PLEKHB2: variants seen among roughly 807,000 people sequenced by gnomAD.
PLEKHB2 encodes the protein pleckstrin homology domain containing B2.
PLEKHB2 carries 31 observed loss-of-function variants against 36.5 expected under a neutral mutation model. The observed-to-expected ratio is 0.85, with a 90% CI of 0.64 to 1.15. The LOEUF is 1.15. Among genes scored for constraint, PLEKHB2 ranks in the 50% most tolerant of loss-of-function variants. PLEKHB2 has a pLI of 0.00. For synonymous variants in PLEKHB2, 119 were observed against 112.0 expected, an observed-to-expected ratio of 1.06 and a Z score of -0.39; for missense variants, 262 against 295.3, an observed-to-expected ratio of 0.89 and a Z score of 0.83.
At chr2:131,112,870 C>G (rs2104786052) in intron 1 of PLEKHB2, among the ~76,000 whole-genome samples, 1 of 152,192 alleles carries the variant, frequency 6.6e-6, no homozygotes, top group South Asian at 2.1e-4. Flanking sequence ...CTAAATTTTG[C>G]CGGCTTTATG....
intron 7 of PLEKHB2, among the ~76,000 whole-genome samples, chr2:131,142,576 CTT>C (rs1041202610): frequency 2.3e-5 from 3 of 130,024 alleles, no homozygotes; most frequent in Admixed American, 7.7e-5. Context: ...CTTTTTTTTT[CTT>C]TTTTTTTTTT....
chr2:131,123,766 A>ACC (rs796669454), intron 2 of PLEKHB2, among the ~76,000 whole-genome samples: 5 of 11,554 alleles, frequency 4.3e-4, no homozygotes, highest in Admixed American at 2.6e-3. Flanking sequence ...CTCCTGGTCC[A>ACC]CCCCCCCCAC....
chr2:131,127,909 C>T (rs1697256619), intron 4 of PLEKHB2, among the ~76,000 whole-genome samples: 1 of 152,166 alleles, frequency 6.6e-6, no homozygotes, highest in Non-Finnish European at 1.5e-5. Context: ...ACGGTTCTCC[C>T]AGGACTCATC....
intron 2 of PLEKHB2, among the ~76,000 whole-genome samples, chr2:131,122,989 G>A (rs1696674134): frequency 6.6e-6 from 1 of 152,180 alleles, no homozygotes; most frequent in Non-Finnish European, 1.5e-5. Flanking sequence ...TTGAGGGCAA[G>A]CTTTCCCTTT....
chr2:131,136,931 TTTTC>T (rs1373229506), intron 6 of PLEKHB2, among the ~76,000 whole-genome samples: 1 of 150,858 alleles, frequency 6.6e-6, no homozygotes, highest in Non-Finnish European at 1.5e-5. Context: ...TTTTTTCTTT[TTTTC>T]TTTCTTTTCT....
intron 1 of PLEKHB2, among the ~76,000 whole-genome samples, chr2:131,110,632 C>A (rs1274040450): frequency 6.6e-6 from 1 of 152,146 alleles, no homozygotes; most frequent in African/African-American, 2.4e-5. Context: ...CTTGGCTTCC[C>A]AAAGTGTTGG....
At chr2:131,109,020 G>A (rs1695015760) in intron 1 of PLEKHB2, among the ~76,000 whole-genome samples, 1 of 152,116 alleles carries the variant, frequency 6.6e-6, no homozygotes, top group Admixed American at 6.6e-5. Flanking sequence ...CCCAAACACT[G>A]GGTTCTGTGA....
Position 131,140,284 on chromosome 2 carries a change from C to G in PLEKHB2, c.532+9C>G. 6.8e-7 allele frequency: 1 copy of G among 1,459,874 alleles called. No individual in the cohort carries two copies. The highest frequency in any genetic ancestry group is 9.6e-7 in the Non-Finnish European group (1 of 1,042,912). The allele number at this position is 1,459,874 out of a possible 1,614,324, so 90.4% of individuals were successfully genotyped here. A position where few individuals can be genotyped will look rare whatever the true frequency, so the allele number is the denominator to read the frequency against. On this transcript the variant is annotated intron_variant, in intron 7 of 7. Transcript: ENST00000693505. ...CCAGTACCCATATGCAGGTAACTCA[C>G]GCCGGCCTTTCATTCCTCATTTCTC... is the stretch of plus-strand genomic sequence containing the variant.
intron 1 of PLEKHB2, among the ~76,000 whole-genome samples, chr2:131,114,806 C>G (rs1695686471): frequency 6.6e-6 from 1 of 152,198 alleles, no homozygotes; most frequent in Non-Finnish European, 1.5e-5. Flanking sequence ...GCATTTTGGT[C>G]AAAGCCACTC....
At chr2:131,113,753 T>G (rs964883217) in intron 1 of PLEKHB2, among the ~76,000 whole-genome samples, 2 of 152,190 alleles carry the variant, frequency 1.3e-5, no homozygotes, top group Admixed American at 1.3e-4. Flanking sequence ...GACTATATTC[T>G]TCTAAGTGTG....
chr2:131,134,757 C>T (rs1698063394), intron 6 of PLEKHB2, among the ~76,000 whole-genome samples: 1 of 152,190 alleles, frequency 6.6e-6, no homozygotes, highest in African/African-American at 2.4e-5. Flanking sequence ...ACAATGAAAT[C>T]TTGCAAGGCT....
At chr2:131,130,865 C>A in intron 5 of PLEKHB2, 105 bp downstream of exon 5, 1 of 784,196 alleles carries the variant, frequency 1.3e-6, no homozygotes. Flanking sequence ...ACTGCAGCCT[C>A]TACCTCTCGG....
At chr2:131,142,070 C>T (rs1372745390) in intron 7 of PLEKHB2, among the ~76,000 whole-genome samples, 1 of 152,154 alleles carries the variant, frequency 6.6e-6, no homozygotes, top group African/African-American at 2.4e-5. Flanking sequence ...GGCACACTCA[C>T]CCACACCCCC....
intron 1 of PLEKHB2, among the ~76,000 whole-genome samples, chr2:131,117,179 G>A (rs1377862250): frequency 6.6e-6 from 1 of 150,746 alleles, no homozygotes; most frequent in African/African-American, 2.4e-5. Flanking sequence ...GGCTGGGCAT[G>A]GTGGCTCACA....
chr2:131,119,970 CTTTTT>C (rs1212612084), intron 1 of PLEKHB2, among the ~76,000 whole-genome samples: 1 of 136,728 alleles, frequency 7.3e-6, no homozygotes. Flanking sequence ...TCTTCTTCTT[CTTTTT>C]TTTTTTTTTT....
At chr2:131,131,650 G>C (rs556219765) in intron 5 of PLEKHB2, among the ~76,000 whole-genome samples, 7 of 152,206 alleles carry the variant, frequency 4.6e-5, no homozygotes, top group Admixed American at 1.3e-4. Context: ...GAAAGTAAAA[G>C]GCTTAATATC....
chr2:131,130,897 C>G (rs559942932), intron 5 of PLEKHB2, 137 bp downstream of exon 5: 1 of 649,024 alleles, frequency 1.5e-6, no homozygotes. Flanking sequence ...CCTCCCACCT[C>G]AGCCTCCCCT....
At chr2:131,133,781 T>G (rs987258441) in intron 6 of PLEKHB2, among the ~76,000 whole-genome samples, 3 of 152,234 alleles carry the variant, frequency 2.0e-5, no homozygotes, top group Admixed American at 2.0e-4. Flanking sequence ...ATTTCAACAA[T>G]GTCATATAAA....
chr2:131,140,465 G>A (rs1355656337), intron 7 of PLEKHB2, among the ~76,000 whole-genome samples, 190 bp downstream of exon 7: 4 of 152,222 alleles, frequency 2.6e-5, no homozygotes, highest in Non-Finnish European at 5.9e-5. Flanking sequence ...CAAAGCTACC[G>A]TAGGCTTGAT....
Sources: gnomAD v4.1 joint callset for allele counts (sites outside exome capture counted in the v4.1 genomes callset) on GRCh38, gnomAD v4.1.1 for gene constraint, MANE v1.5 for transcripts, NCBI Gene and HGNC (gene_info 2026-07-23, HGNC 2026-07-21) for gene names.